The following PXDNL variants were observed in gnomAD, a reference collection of about 807,000 sequenced individuals.
The protein encoded by PXDNL is probable oxidoreductase PXDNL.
Under a neutral mutation model 150.8 loss-of-function variants are expected in PXDNL, and 145 were observed. The observed-to-expected ratio is 0.96, with a 90% confidence interval of 0.84 to 1.10. The LOEUF (loss-of-function observed/expected upper bound fraction) is 1.10, where lower values mean the gene tolerates loss of function less well. PXDNL is among the 50% of genes least tolerant of loss of function. The probability of loss-of-function intolerance (pLI) is 0.00; values close to 1 mark genes in which losing one functional copy is unlikely to be tolerated. For missense variants in PXDNL, 2,087 were observed against 1,873.9 expected, an observed-to-expected ratio of 1.11 and a Z score of -2.10; for synonymous variants, 757 against 725.7, an observed-to-expected ratio of 1.04 and a Z score of -0.69.
chr8:51,471,254 T>C (rs964819908), intron 8 of PXDNL, among the ~76,000 whole-genome samples: 1 of 152,028 alleles, frequency 6.6e-6, no homozygotes, highest in African/African-American at 2.4e-5. Flanking sequence ...CACTGGTCAT[T>C]AGAGAAAAGC....
chr8:51,397,390 A>G (rs1808112762), intron 17 of PXDNL, among the ~76,000 whole-genome samples: 3 of 152,164 alleles, frequency 2.0e-5, no homozygotes, highest in Non-Finnish European at 4.4e-5. Flanking sequence ...CAAATCCCTA[A>G]TCTAAGGCCA....
chr8:51,710,697 G>A (rs1437821664), intron 1 of PXDNL, among the ~76,000 whole-genome samples: 4 of 152,148 alleles, frequency 2.6e-5, no homozygotes, highest in Non-Finnish European at 5.9e-5. Flanking sequence ...TGAAGTATTT[G>A]TCTTTCTGTG....
chr8:51,465,736 C>T (rs1210756505), intron 8 of PXDNL, among the ~76,000 whole-genome samples: 1 of 152,138 alleles, frequency 6.6e-6, no homozygotes, highest in Non-Finnish European at 1.5e-5. Context: ...AAAATAGTAG[C>T]ATTTCTGTAC....
chr8:51,434,023 T>C (rs927149196), intron 12 of PXDNL, among the ~76,000 whole-genome samples: 5 of 152,162 alleles, frequency 3.3e-5, no homozygotes, highest in African/African-American at 1.2e-4. Flanking sequence ...TCTTTTAAGA[T>C]TTTGTCCTTC....
chr8:51,383,669 G>C (rs1476733450), intron 17 of PXDNL, among the ~76,000 whole-genome samples: 1 of 152,106 alleles, frequency 6.6e-6, no homozygotes, highest in African/African-American at 2.4e-5. Context: ...AACACACATG[G>C]AATAATAAGA....
intron 2 of PXDNL, among the ~76,000 whole-genome samples, chr8:51,598,248 T>G (rs1813617784): frequency 6.6e-6 from 1 of 152,190 alleles, no homozygotes; most frequent in South Asian, 2.1e-4. Flanking sequence ...TGATTGCTTT[T>G]GCTAGCACTT....
intron 12 of PXDNL, among the ~76,000 whole-genome samples, chr8:51,443,415 G>A (rs1263478056): frequency 6.6e-6 from 1 of 152,114 alleles, no homozygotes; most frequent in Non-Finnish European, 1.5e-5. Context: ...GAGAGAGCTA[G>A]AAATTGGGCA....
chr8:51,572,917 A>C (rs559893437), intron 3 of PXDNL, among the ~76,000 whole-genome samples: 190 of 152,088 alleles, frequency 1.2e-3, no homozygotes, highest in African/African-American at 4.1e-3. Context: ...AGGCCTCTGA[A>C]AGGTAGAAAG....
intron 4 of PXDNL, among the ~76,000 whole-genome samples, chr8:51,541,925 C>G (rs1305407904): frequency 6.6e-6 from 1 of 152,054 alleles, no homozygotes; most frequent in Non-Finnish European, 1.5e-5. Flanking sequence ...TTAATCTGGT[C>G]TCTCCTATTC....
At chr8:51,581,145 T>C (rs1343824368) in intron 3 of PXDNL, among the ~76,000 whole-genome samples, 1 of 152,100 alleles carries the variant, frequency 6.6e-6, no homozygotes, top group Non-Finnish European at 1.5e-5. Context: ...AGAAATCTTG[T>C]AGCCTTGGAT....
chr8:51,785,230 G>A (rs1285047440), intron 1 of PXDNL, among the ~76,000 whole-genome samples: 1 of 151,530 alleles, frequency 6.6e-6, no homozygotes, highest in African/African-American at 2.4e-5. Context: ...TACAATGCTG[G>A]TTGTTTGTAC....
intron 4 of PXDNL, 64 bp downstream of exon 4, chr8:51,556,776 T>G (rs867747266): frequency 1.1e-6 from 1 of 877,314 alleles, no homozygotes; most frequent in Middle Eastern, 3.2e-4. Context: ...ATAATGGCAT[T>G]TAAAAAGCTG....
intron 12 of PXDNL, among the ~76,000 whole-genome samples, chr8:51,428,054 T>C (rs1809156295): frequency 6.6e-6 from 1 of 152,218 alleles, no homozygotes; most frequent in Non-Finnish European, 1.5e-5. Flanking sequence ...AATATATAGA[T>C]AGTATTTATT....
At chr8:51,582,680 T>C (rs1251360016) in intron 3 of PXDNL, among the ~76,000 whole-genome samples, 1 of 152,178 alleles carries the variant, frequency 6.6e-6, no homozygotes, top group African/African-American at 2.4e-5. Flanking sequence ...AAAATGATGT[T>C]TTTTTAAATG....
chr8:51,761,238 A>T (rs2037163866), intron 1 of PXDNL, among the ~76,000 whole-genome samples: 2 of 151,946 alleles, frequency 1.3e-5, no homozygotes. Context: ...ATATTTACAA[A>T]CAGCAGGGTT....
At chr8:51,778,762 A>C (rs2037382330) in intron 1 of PXDNL, among the ~76,000 whole-genome samples, 1 of 152,316 alleles carries the variant, frequency 6.6e-6, no homozygotes, top group Middle Eastern at 3.4e-3. Flanking sequence ...ATGAAAGATA[A>C]TGATAATTCT....
intron 14 of PXDNL, among the ~76,000 whole-genome samples, chr8:51,418,071 A>G (rs893941650): frequency 1.3e-5 from 2 of 152,218 alleles, no homozygotes; most frequent in Non-Finnish European, 2.9e-5. Context: ...AAATTTTGAG[A>G]GCATTTATCT....
At position 51,319,926 on chromosome 8, in the gene PXDNL, G is replaced by C; in HGVS notation, c.4357C>G (p.Arg1453Gly). 4 of 1,558,636 alleles carry C rather than the reference G, an allele frequency of 2.6e-6. No individual in the cohort carries two copies. In the South Asian group the frequency reaches 4.9e-5, roughly 19 times the overall value. The change falls in exon 23 of 23, where the codon CGA (arginine) becomes GGA (glycine). Residue 1453 changes from arginine to glycine, a missense_variant. Physicochemically the swap from Arg to Gly is moderately radical, Grantham distance 125 (BLOSUM62 -2). Transcript: ENST00000356297. ...TCTGGGGAATCACTTGGCATTCCTC[G>C]GTCTCTGCAAACTGGACAGCAGGTT... ...KGTCCPVCRD[R>G]GMPSDSPEKR
rs531130778 is a variant in PXDNL at position 51,502,144 on chromosome 8, A to C, written c.381-2374T>G. ...GTATTTAGTCATTTTTAATTTTTGC[A>C]ACTACACTGTGTGGTAGGTTCTATA... is the stretch of plus-strand genomic sequence containing the variant. On this transcript the variant is annotated intron_variant, in intron 4 of 22. Coordinates refer to ENST00000356297, the MANE Select transcript of PXDNL (RefSeq NM_144651.5). 3.9e-5 allele frequency among the ~76,000 whole-genome samples: 6 copies of C among 152,368 alleles called. 1 individual carries two copies. In the South Asian group the frequency reaches 1.2e-3, roughly 32 times the overall value.
Sources: gnomAD v4.1 joint callset for allele counts (sites outside exome capture counted in the v4.1 genomes callset) on GRCh38, gnomAD v4.1.1 for gene constraint, MANE v1.5 for transcripts, NCBI Gene and HGNC (gene_info 2026-07-23, HGNC 2026-07-21) for gene names.